The following RORB variants were observed in gnomAD, a reference collection of about 807,000 sequenced individuals.
RORB encodes the protein nuclear receptor ROR-beta.
RORB carries 6 observed loss-of-function variants against 59.1 expected under a neutral mutation model. The observed-to-expected ratio is 0.10, with a 90% CI of 0.06 to 0.20. RORB has a LOEUF of 0.20. Among genes scored for constraint, RORB ranks in the 10% least tolerant of loss-of-function variants. The pLI, the probability that RORB is intolerant of heterozygous loss-of-function variation, is 1.00. For synonymous variants in RORB, 215 were observed against 204.5 expected, an observed-to-expected ratio of 1.05 and a Z score of -0.44; for missense variants, 320 against 560.5, an observed-to-expected ratio of 0.57 and a Z score of 4.33.
chr9:74,521,928 A>G (rs530855937), intron 1 of RORB, among the ~76,000 whole-genome samples: 1 of 151,946 alleles, frequency 6.6e-6, no homozygotes, highest in South Asian at 2.1e-4. Flanking sequence ...TTGACATTTT[A>G]TAAATATGCT....
intron 1 of RORB, among the ~76,000 whole-genome samples, chr9:74,583,266 A>G (rs1822751671): frequency 6.6e-6 from 1 of 152,108 alleles, no homozygotes; most frequent in African/African-American, 2.4e-5. Context: ...AAGAACTGCC[A>G]CGTACCCAGG....
At position 74,595,838 on chromosome 9, in the gene RORB, T is replaced by C. The variant is rs7847665; in HGVS notation, c.8-34444T>C. Among the ~76,000 whole-genome samples the C allele has an allele frequency of 6.1e-3, 922 of 152,280 alleles. 14 individuals carry two copies. Among genetic ancestry groups the C allele is most frequent in the African/African-American group, 0.021 (874 of 41,554 alleles). On this transcript the variant is annotated intron_variant, in intron 1 of 9. Transcript: ENST00000376896. The stretch of plus-strand genomic sequence containing the variant: ...TGGAGTTTTTTGGGGTCACGTTTAC[T>C]CTATTGGGGGCACCTAAATTACCAA...
rs1428649605 is a variant in RORB, at chr9:74,688,111, T to C, written c.*2493T>C. 1 of 152,196 alleles carries C rather than the reference T, an allele frequency of 6.6e-6. No homozygotes were observed. The highest frequency in any genetic ancestry group is 6.5e-5 in the Admixed American group (1 of 15,278). 9.4% of individuals were successfully genotyped at this position (152,196 alleles called of 1,614,324 possible). ...AAAAAGATTGTTCCCCACATTTACC[T>C]TGGGAGGTACTGCTTTGAATTTGTG... On this transcript the variant is annotated 3_prime_UTR_variant, in exon 10 of 10. Coordinates refer to ENST00000376896, the MANE Select transcript of RORB (RefSeq NM_006914.4).
intron 1 of RORB, among the ~76,000 whole-genome samples, chr9:74,549,459 AAAG>A (rs1248588714): frequency 6.9e-6 from 1 of 143,978 alleles, no homozygotes; most frequent in African/African-American, 2.6e-5. Flanking sequence ...AAAAAAGAAG[AAAG>A]AGAGAGAGAG....
intron 1 of RORB, among the ~76,000 whole-genome samples, chr9:74,620,009 T>G (rs1035693773): frequency 2.6e-5 from 4 of 152,200 alleles, no homozygotes; most frequent in African/African-American, 9.6e-5. Context: ...TCTCTTTTTT[T>G]TGCTGTGTCT....
Position 74,690,124 on chromosome 9 carries a change from G to A in RORB, c.*4506G>A, listed in dbSNP as rs1296838852. 1 of 152,150 alleles carries A rather than the reference G, an allele frequency of 6.6e-6. No homozygotes were observed. Among genetic ancestry groups the A allele is most frequent in the African/African-American group, 2.4e-5 (1 of 41,448 alleles). 9.4% of individuals were successfully genotyped at this position (152,150 alleles called of 1,614,324 possible). A position where few individuals can be genotyped will look rare whatever the true frequency, so the allele number is the denominator to read the frequency against. On this transcript the variant is annotated 3_prime_UTR_variant, in exon 10 of 10. Transcript: ENST00000376896. ...CAAAGTCCCCTGCATAAAGAAGAGA[G>A]GAAAGCCTACCATCTGCTTTAGACG...
At chr9:74,625,031 CA>C (rs879693228) in intron 1 of RORB, among the ~76,000 whole-genome samples, 82 of 140,710 alleles carry the variant, frequency 5.8e-4, no homozygotes, top group Admixed American at 6.4e-4. Context: ...GTCCTTAAGG[CA>C]AAAAAAAAAG....
chr9:74,685,158 C>T (rs1824619451), intron 9 of RORB, among the ~76,000 whole-genome samples: 1 of 151,846 alleles, frequency 6.6e-6, no homozygotes, highest in Non-Finnish European at 1.5e-5. Context: ...AACTACAGAG[C>T]ACCCACTTGT....
Position 74,530,937 on chromosome 9 carries a change from AT to A in RORB, c.7+32962del, listed in dbSNP as rs916043737. On this transcript the variant is annotated intron_variant, in intron 1 of 9. Coordinates refer to ENST00000376896, the MANE Select transcript of RORB (RefSeq NM_006914.4). ...CTCATCCTGTGTCCAAGTGTTCTTA[AT>A]TTTTTTTCCTTTTTATTATTTTCAT... is the stretch of plus-strand genomic sequence containing the variant. Among the ~76,000 whole-genome samples, 4 of 151,244 alleles carry A rather than the reference AT, an allele frequency of 2.6e-5. No homozygotes were observed. The East Asian group carries it at 5.9e-4, about 22-fold the overall frequency.
chr9:74,500,312 G>A (rs576376420), intron 1 of RORB, among the ~76,000 whole-genome samples: 1 of 152,226 alleles, frequency 6.6e-6, no homozygotes, highest in East Asian at 1.9e-4. Context: ...ATTTTCCCCG[G>A]ACAGTGCCCT....
At chr9:74,571,326 T>G (rs1822547475) in intron 1 of RORB, among the ~76,000 whole-genome samples, 1 of 151,774 alleles carries the variant, frequency 6.6e-6, no homozygotes, top group Non-Finnish European at 1.5e-5. Flanking sequence ...ACATGAAAAT[T>G]GATGCATTAC....
intron 4 of RORB, among the ~76,000 whole-genome samples, chr9:74,656,997 C>T (rs777136468): frequency 6.6e-6 from 1 of 152,132 alleles, no homozygotes; most frequent in Non-Finnish European, 1.5e-5. Flanking sequence ...AAGATGGACT[C>T]GGTTTCAAAA....
At chr9:74,513,851 C>T (rs1401558983) in intron 1 of RORB, among the ~76,000 whole-genome samples, 1 of 151,986 alleles carries the variant, frequency 6.6e-6, no homozygotes, top group Non-Finnish European at 1.5e-5. Flanking sequence ...ATCTAAAATG[C>T]TTCAAAAATT....
intron 1 of RORB, among the ~76,000 whole-genome samples, chr9:74,603,302 G>A (rs575345586): frequency 8.5e-5 from 13 of 152,276 alleles, no homozygotes; most frequent in Admixed American, 5.2e-4. Context: ...CACAGGACGG[G>A]CAGTTTTCAT....
intron 9 of RORB, among the ~76,000 whole-genome samples, chr9:74,679,013 C>A (rs1223379589): frequency 7.0e-5 from 9 of 127,950 alleles, no homozygotes; most frequent in Non-Finnish European, 3.2e-5. Context: ...GCCTGGGAGA[C>A]AGAACAAGAC....
At chr9:74,557,619 A>C (rs1287115922) in intron 1 of RORB, among the ~76,000 whole-genome samples, 1 of 152,166 alleles carries the variant, frequency 6.6e-6, no homozygotes, top group Non-Finnish European at 1.5e-5. Flanking sequence ...GATTTGGACT[A>C]AGGAAATGGT....
At chr9:74,634,843 T>A in intron 3 of RORB, 71 bp downstream of exon 3, 1 of 1,400,788 alleles carries the variant, frequency 7.1e-7, no homozygotes, top group African/African-American at 1.4e-5. Flanking sequence ...CTATTTAAGC[T>A]GCTGGAAGAA....
chr9:74,626,921 T>G (rs1168915225), intron 1 of RORB, among the ~76,000 whole-genome samples: 1 of 152,126 alleles, frequency 6.6e-6, no homozygotes, highest in Non-Finnish European at 1.5e-5. Context: ...CCCAGCACTT[T>G]GGGAGGCCAA....
chr9:74,621,595 T>C (rs1314678482), intron 1 of RORB, among the ~76,000 whole-genome samples: 5 of 152,222 alleles, frequency 3.3e-5, no homozygotes, highest in Non-Finnish European at 5.9e-5. Flanking sequence ...AGTTCAATGG[T>C]AAATACCTAG....
Sources: gnomAD v4.1 joint callset for allele counts (sites outside exome capture counted in the v4.1 genomes callset) on GRCh38, gnomAD v4.1.1 for gene constraint, MANE v1.5 for transcripts, NCBI Gene and HGNC (gene_info 2026-07-23, HGNC 2026-07-21) for gene names.